Variants in WTIP observed in about 807,000 individuals in gnomAD.
WTIP encodes the protein Wilms tumor protein 1-interacting protein.
In WTIP, 23 loss-of-function variants were observed where a neutral mutation model predicts 41.7. The observed-to-expected ratio is 0.55, with a 90% CI of 0.40 to 0.78. WTIP has a LOEUF of 0.78. Among genes scored for constraint, WTIP ranks in the 30% least tolerant of loss-of-function variants. WTIP has a pLI of 0.00. For synonymous variants in WTIP, 314 were observed against 269.9 expected (o/e 1.16, Z -1.60); for missense variants, 619 against 610.5 (o/e 1.01, Z -0.15).
intron 1 of WTIP, among the ~76,000 whole-genome samples, chr19:34,488,566 T>C (rs10415227): frequency 0.92 from 140,259 of 151,732 alleles, 64,956 homozygotes; most frequent in African/African-American, 0.95. Context: ...AGGGTCTCGC[T>C]GTGTTTCCCA....
At chr19:34,485,415 A>C (rs1402099044) in intron 1 of WTIP, among the ~76,000 whole-genome samples, 1 of 152,174 alleles carries the variant, frequency 6.6e-6, no homozygotes. Flanking sequence ...ATGGGCAACT[A>C]TTTGTTTGAA....
Position 34,494,625 on chromosome 19 carries a change from C to A in WTIP, c.1071C>A (p.Ile357=). ...AATGCGCCTCCTGTGCCCGTCCTATCCTCCCTGCACAGGTAGGAGCCACTC... is the reference window on the plus strand; with the variant it reads ...AATGCGCCTCCTGTGCCCGTCCTATACTCCCTGCACAGGTAGGAGCCACTC... ...APKCASCARP[I]LPAQGCETTI... The change falls in exon 6 of 8, where the codon ATC becomes ATA. Residue 357 remains isoleucine (I), a synonymous_variant. Coordinates refer to ENST00000590071, the MANE Select transcript of WTIP (RefSeq NM_001080436.2). 6.2e-7 allele frequency: 1 copy of A among 1,613,540 alleles called. No homozygotes were observed. The highest frequency in any genetic ancestry group is 1.1e-5 in the South Asian group (1 of 90,990).
chr19:34,495,341 G>A (rs549381737), intron 6 of WTIP, among the ~76,000 whole-genome samples: 1 of 152,228 alleles, frequency 6.6e-6, no homozygotes, highest in South Asian at 2.1e-4. Flanking sequence ...AGGCCGCAGT[G>A]AGCTGTGATT....
intron 1 of WTIP, among the ~76,000 whole-genome samples, chr19:34,483,640 G>T (rs904993569): frequency 6.6e-6 from 1 of 152,230 alleles, no homozygotes; most frequent in Non-Finnish European, 1.5e-5. Flanking sequence ...CCTGCTGCAG[G>T]TGCATCTGCA....
rs770841964 is a variant in WTIP at position 34,493,856 on chromosome 19, TCTC to T, written c.1031+235_1031+237del. Among the ~76,000 whole-genome samples, 3 of 152,002 alleles carry T rather than the reference TCTC, an allele frequency of 2.0e-5. No homozygotes were observed. Among genetic ancestry groups the T allele is most frequent in the Non-Finnish European group, 2.9e-5 (2 of 67,984 alleles). On this transcript the variant is annotated intron_variant, in intron 5 of 7. Coordinates refer to ENST00000590071, the MANE Select transcript of WTIP (RefSeq NM_001080436.2). This position sits in a 1 kb window ranked among gnomAD's most constrained non-coding sequence, Gnocchi z 4.1. ...CTCTCCCTATCGTGGCCTGCATGCT[TCTC>T]TACTCCTGGCACAGGGGACCCTCCT... is the stretch of plus-strand genomic sequence containing the variant.
In WTIP at chr19:34,482,547, G is replaced by T. The variant is rs887990873; in HGVS notation, c.573G>T (p.Arg191=). 8.1e-7 allele frequency: 1 copy of T among 1,229,608 alleles called. No individual in the cohort carries two copies. Among genetic ancestry groups the T allele is most frequent in the East Asian group, 3.2e-5 (1 of 31,256 alleles). The allele number at this position is 1,229,608 out of a possible 1,614,324, so 76.2% of individuals were successfully genotyped here. ...PLPALPLPPG[R]EGGPSAAERR... is the part of the protein sequence containing the mutation. ...CTGCACTCCCGCTGCCCCCTGGCCGGGAGGGCGGCCCAAGCGCGGCCGAGC... is the reference window on the plus strand; with the variant it reads ...CTGCACTCCCGCTGCCCCCTGGCCGTGAGGGCGGCCCAAGCGCGGCCGAGC... Residue 191 remains arginine, a synonymous_variant, in exon 1 of 8, where the codon CGG becomes CGT. Coordinates refer to ENST00000590071, the MANE Select transcript of WTIP (RefSeq NM_001080436.2).
intron 7 of WTIP, among the ~76,000 whole-genome samples, chr19:34,496,105 C>T (rs560061949): frequency 6.6e-5 from 10 of 152,166 alleles, no homozygotes; most frequent in South Asian, 2.1e-4. Context: ...TGCAGTGAGC[C>T]GAGATTGTGC....
chr19:34,500,310 G>T lies in WTIP; in HGVS notation c.*41G>T. The stretch of plus-strand genomic sequence containing the variant: ...TCCCTGGGCCGGGGTGGGTGTGGGT[G>T]TGGAGGGAGGGCCCGCGTGGGTGGC... On this transcript the variant is annotated 3_prime_UTR_variant, in exon 8 of 8. Transcript: ENST00000590071. 6.5e-7 allele frequency: 1 copy of T among 1,538,256 alleles called. No homozygotes were observed. The highest frequency in any genetic ancestry group is 8.8e-7 in the Non-Finnish European group (1 of 1,142,612).
At chr19:34,487,102 CT>C (rs34893888) in intron 1 of WTIP, among the ~76,000 whole-genome samples, 6,761 of 96,712 alleles carry the variant, frequency 0.07, 382 homozygotes, top group African/African-American at 0.24. Flanking sequence ...TCCCTGCCTG[CT>C]TTTTTTTTTT....
At chr19:34,485,557 ACCTCGT>A (rs979306649) in intron 1 of WTIP, among the ~76,000 whole-genome samples, 25 of 151,810 alleles carry the variant, frequency 1.6e-4, no homozygotes, top group Non-Finnish European at 3.5e-4. Context: ...TCTCTGATAA[ACCTCGT>A]CCTCAGAGTG....
intron 1 of WTIP, among the ~76,000 whole-genome samples, chr19:34,485,894 G>C (rs2075794624): frequency 1.3e-5 from 2 of 152,122 alleles, no homozygotes; most frequent in South Asian, 4.2e-4. Flanking sequence ...CGCCTGGCCA[G>C]AGCTTTTTTT....
Position 34,482,258 on chromosome 19 carries a change from G to T in WTIP, c.284G>T (p.Gly95Val), listed in dbSNP as rs918267034. 3.3e-5 allele frequency: 42 copies of T among 1,283,782 alleles called. No homozygotes were observed. The highest frequency in any genetic ancestry group is 4.1e-5 in the Non-Finnish European group (41 of 1,008,602). The allele number at this position is 1,283,782 out of a possible 1,614,324, so 79.5% of individuals were successfully genotyped here. The change falls in exon 1 of 8, where the codon GGG becomes GTG. Residue 95 changes from glycine (G) to valine (V), a missense_variant. Gly to Val is a moderately radical substitution (Grantham distance 109, BLOSUM62 -3). Transcript: ENST00000590071. ...GGCAGCCCACGGGCCAGCCTGGCGG[G>T]GTCCGACGGCGGCGGCGGTGGCGGC... is the stretch of plus-strand genomic sequence containing the variant. ...PAGSPRASLAGSDGGGGGGSA... is the reference protein window; with the variant it reads ...PAGSPRASLAVSDGGGGGGSA...
chr19:34,498,592 C>T (rs1017132583), intron 7 of WTIP: 1 of 152,398 alleles, frequency 6.6e-6, no homozygotes, highest in Non-Finnish European at 1.5e-5. Context: ...AGGTGGTCTC[C>T]TGTTTTGTCT....
At chr19:34,484,807 G>A (rs1338249813) in intron 1 of WTIP, among the ~76,000 whole-genome samples, 2 of 151,920 alleles carry the variant, frequency 1.3e-5, no homozygotes, top group South Asian at 2.1e-4. Flanking sequence ...GCTCACACCT[G>A]TAATCCCAGC....
At chr19:34,488,665 C>G (rs1209006188) in intron 1 of WTIP, among the ~76,000 whole-genome samples, 1 of 151,898 alleles carries the variant, frequency 6.6e-6, no homozygotes, top group Admixed American at 6.6e-5. Flanking sequence ...CTGCACCCAG[C>G]CCGCTTCCTT....
rs187577001 is a variant in WTIP at position 34,494,971 on chromosome 19, C to T, written c.1083+334C>T. On this transcript the variant is annotated intron_variant, in intron 6 of 7. Transcript: ENST00000590071. ...GCTGGGGGAGCAGATGAGAGATGGA[C>T]GTGGTCTGTGCGGGAGCCACCCATG... Among the ~76,000 whole-genome samples, 7 of 152,330 alleles carry T rather than the reference C, an allele frequency of 4.6e-5. No individual in the cohort carries two copies. The East Asian group carries it at 5.8e-4, about 13-fold the overall frequency.
Position 34,482,862 on chromosome 19 carries a change from C to G in WTIP, c.667+221C>G, listed in dbSNP as rs935544933. Among the ~76,000 whole-genome samples, 11 of 152,168 alleles carry G rather than the reference C, an allele frequency of 7.2e-5. 1 individual carries two copies. Among genetic ancestry groups the G allele is most frequent in the African/African-American group, 2.7e-4 (11 of 41,434 alleles). The stretch of plus-strand genomic sequence containing the variant: ...TCCCCAGCAGCGGCTTCACCCCTGC[C>G]TCTGGGTCCCCCGACACACGAGGGG... On this transcript the variant is annotated intron_variant, in intron 1 of 7. Transcript: ENST00000590071.
In WTIP at chr19:34,482,539, C is replaced by T. The variant is rs1180351672; in HGVS notation, c.565C>T (p.Pro189Ser). ...CCCGCTGCCTGCACTCCCGCTGCCC[C>T]CTGGCCGGGAGGGCGGCCCAAGCGC... ...PFPLPALPLP[P>S]GREGGPSAAE... Residue 189 changes from proline to serine, a missense_variant, in exon 1 of 8, where the codon CCT (proline) becomes TCT (serine). This residue lies in a region of WTIP where 363 missense variants were observed against 309.0 expected (regional missense o/e 1.17). Coordinates refer to ENST00000590071, the MANE Select transcript of WTIP (RefSeq NM_001080436.2). 7.3e-6 allele frequency: 9 copies of T among 1,228,428 alleles called. No individual in the cohort carries two copies. The highest frequency in any genetic ancestry group is 9.1e-6 in the Non-Finnish European group (9 of 986,896). 76.1% of individuals were successfully genotyped at this position (1,228,428 alleles called of 1,614,324 possible).
In WTIP at chr19:34,487,102, C is replaced by CTT. The variant is rs34893888; in HGVS notation, c.668-3255_668-3254dup. ...AGCCACCAAGCCCAGTCCCTGCCTGCTTTTTTTTTTTTTTTTTTTTGAGAC... is the reference window on the plus strand; with the variant it reads ...AGCCACCAAGCCCAGTCCCTGCCTGCTTTTTTTTTTTTTTTTTTTTTTGAGAC... On this transcript the variant is annotated intron_variant, in intron 1 of 7. Transcript: ENST00000590071. 2.8e-3 allele frequency among the ~76,000 whole-genome samples: 273 copies of CTT among 96,734 alleles called. 9 individuals are homozygous for CTT. The highest frequency in any genetic ancestry group is 0.011 in the African/African-American group (213 of 19,640). The allele number at this position is 96,734 out of a possible 152,430, so 63.5% of individuals were successfully genotyped here.
Sources: allele counts gnomAD v4.1 joint callset (sites outside exome capture counted in the v4.1 genomes callset), GRCh38; gene constraint gnomAD v4.1.1; regional missense constraint gnomAD v4.1.1; non-coding constraint Gnocchi (gnomAD v3.1); transcripts MANE v1.5; gene names NCBI Gene and HGNC (gene_info 2026-07-23, HGNC 2026-07-21).